The following SNTG2 variants were observed in gnomAD, a reference collection of about 807,000 sequenced individuals.
SNTG2 encodes gamma-2-syntrophin.
In SNTG2, 74 loss-of-function variants were observed where a neutral mutation model predicts 70.9. That is an observed-to-expected ratio of 1.04 (90% CI 0.86 to 1.27). The LOEUF is 1.27. SNTG2 is among the 50% of genes most tolerant of loss of function. The pLI is 0.00. For missense variants in SNTG2, 717 were observed against 690.7 expected (o/e 1.04, Z -0.43); for synonymous variants, 278 against 273.8 (o/e 1.02, Z -0.15).
intron 11 of SNTG2, among the ~76,000 whole-genome samples, chr2:1,245,773 A>G (rs891889033): frequency 3.3e-5 from 5 of 152,224 alleles, no homozygotes; most frequent in Non-Finnish European, 5.9e-5. Flanking sequence ...CAGACACTGG[A>G]GGAGTAAATT....
At chr2:1,173,220 A>G (rs916572388) in intron 8 of SNTG2, 37 bp downstream of exon 8, 2 of 1,545,346 alleles carry the variant, frequency 1.3e-6, no homozygotes, top group South Asian at 1.1e-5. Flanking sequence ...TTATTTTAAC[A>G]GAAATATCAG....
At chr2:1,297,029 A>G (rs997946068) in intron 14 of SNTG2, among the ~76,000 whole-genome samples, 1 of 152,136 alleles carries the variant, frequency 6.6e-6, no homozygotes, top group Admixed American at 6.5e-5. Flanking sequence ...CACCAGCTCT[A>G]TGTGCTGGGG....
At chr2:1,073,550 CA>C (rs941283491) in intron 1 of SNTG2, among the ~76,000 whole-genome samples, 1 of 152,042 alleles carries the variant, frequency 6.6e-6, no homozygotes, top group Non-Finnish European at 1.5e-5. Context: ...ACTGGGAAAC[CA>C]AAAAACTGTG....
chr2:1,089,511 T>G (rs1323925944), intron 2 of SNTG2, among the ~76,000 whole-genome samples: 6 of 152,226 alleles, frequency 3.9e-5, no homozygotes, highest in Non-Finnish European at 8.8e-5. Context: ...GGCAGCTCCC[T>G]GTAATCCCAG....
intron 9 of SNTG2, among the ~76,000 whole-genome samples, chr2:1,223,693 G>T (rs1440614428): frequency 6.6e-6 from 1 of 152,232 alleles, no homozygotes; most frequent in Non-Finnish European, 1.5e-5. Flanking sequence ...GGAGGAGCCA[G>T]GCGTGTCTGG....
chr2:1,232,878 C>T (rs962457773), intron 9 of SNTG2, among the ~76,000 whole-genome samples: 5 of 152,104 alleles, frequency 3.3e-5, no homozygotes, highest in African/African-American at 9.7e-5. Context: ...AATACACACA[C>T]ATGCACACAC....
At chr2:955,696 A>G (rs1047530913) in intron 1 of SNTG2, among the ~76,000 whole-genome samples, 4 of 152,240 alleles carry the variant, frequency 2.6e-5, no homozygotes, top group African/African-American at 9.6e-5. Flanking sequence ...CTCAGATTCC[A>G]TGGAAGAATG....
intron 1 of SNTG2, among the ~76,000 whole-genome samples, chr2:965,942 C>T (rs532092152): frequency 2.2e-4 from 33 of 152,272 alleles, no homozygotes; most frequent in African/African-American, 7.9e-4. Context: ...CGGGCTGGGC[C>T]CAGCTCCTCC....
chr2:1,080,568 ATGAG>A (rs1397816743), intron 1 of SNTG2, among the ~76,000 whole-genome samples: 1 of 147,882 alleles, frequency 6.8e-6, no homozygotes, highest in Non-Finnish European at 1.5e-5. Context: ...ATGTGTGTGC[ATGAG>A]TGTTTGGGCA....
chr2:1,040,068 G>A (rs1409184646), intron 1 of SNTG2, among the ~76,000 whole-genome samples: 2 of 152,164 alleles, frequency 1.3e-5, no homozygotes, highest in African/African-American at 2.4e-5. Flanking sequence ...GCCTGTGCGG[G>A]TCACATGAAC....
chr2:1,211,718 A>G (rs528864441), intron 9 of SNTG2, among the ~76,000 whole-genome samples: 6 of 152,260 alleles, frequency 3.9e-5, no homozygotes, highest in South Asian at 2.1e-4. Flanking sequence ...TGAGAACAGC[A>G]TGGAAAAAAC....
intron 14 of SNTG2, among the ~76,000 whole-genome samples, chr2:1,284,108 G>A (rs1183125685): frequency 2.6e-5 from 4 of 152,108 alleles, no homozygotes; most frequent in Admixed American, 6.6e-5. Context: ...AGTAGGGAGC[G>A]GGCTGCAGCT....
chr2:1,319,440 C>A (rs1681426582), intron 16 of SNTG2, among the ~76,000 whole-genome samples: 1 of 151,972 alleles, frequency 6.6e-6, no homozygotes, highest in Non-Finnish European at 1.5e-5. Context: ...CCCAACAAAC[C>A]CAAACTAAAA....
intron 8 of SNTG2, among the ~76,000 whole-genome samples, chr2:1,187,595 G>A (rs1672327241): frequency 6.6e-6 from 1 of 151,972 alleles, no homozygotes; most frequent in Non-Finnish European, 1.5e-5. Context: ...ACCCCTCATT[G>A]GTTCTGTTTC....
At chr2:1,098,050 G>C in intron 2 of SNTG2, 146 bp from the exon 3 acceptor site, 1 of 800,214 alleles carries the variant, frequency 1.2e-6, no homozygotes, top group South Asian at 1.6e-5. Flanking sequence ...ATTTGAAATA[G>C]TGTCATTACT....
At chr2:1,087,117 A>C (rs993281146) in intron 2 of SNTG2, among the ~76,000 whole-genome samples, 4 of 152,176 alleles carry the variant, frequency 2.6e-5, no homozygotes, top group African/African-American at 9.7e-5. Context: ...TGACAAGTCT[A>C]CGTAAGTGCT....
chr2:1,276,874 A>G (rs1457767545), intron 14 of SNTG2, among the ~76,000 whole-genome samples: 1 of 152,234 alleles, frequency 6.6e-6, no homozygotes, highest in East Asian at 1.9e-4. Context: ...AGTTTGGAAG[A>G]AGCTGATTCC....
intron 1 of SNTG2, among the ~76,000 whole-genome samples, chr2:1,077,692 A>C (rs999584232): frequency 6.6e-6 from 1 of 152,098 alleles, no homozygotes; most frequent in African/African-American, 2.4e-5. Flanking sequence ...CCCGCACACA[A>C]ACACACACAC....
chr2:1,211,428 A>G (rs1051403480), intron 9 of SNTG2, among the ~76,000 whole-genome samples: 2 of 152,244 alleles, frequency 1.3e-5, no homozygotes, highest in African/African-American at 2.4e-5. Context: ...AATTCAGGTC[A>G]TAAGATGGAA....
Sources: gnomAD v4.1 joint callset for allele counts (sites outside exome capture counted in the v4.1 genomes callset) on GRCh38, gnomAD v4.1.1 for gene constraint, MANE v1.5 for transcripts, NCBI Gene and HGNC (gene_info 2026-07-23, HGNC 2026-07-21) for gene names.